WNK1: variants seen among roughly 807,000 people sequenced by gnomAD.
WNK1 encodes serine/threonine-protein kinase WNK1.
In WNK1, 38 loss-of-function variants were observed where a neutral mutation model predicts 222.8. The ratio of observed to expected loss-of-function variants is 0.17; its 90% confidence interval spans 0.13 to 0.22. The LOEUF (loss-of-function observed/expected upper bound fraction) is 0.22. Ranked by LOEUF, WNK1 falls within the 10% of genes least tolerant of loss-of-function variation. WNK1 has a pLI of 1.00. For synonymous variants in WNK1, 1,090 were observed against 1,092.9 expected (o/e 1.00, Z 0.05); for missense variants, 2,348 against 2,918.4 (o/e 0.80, Z 4.50).
chr12:759,794 AGT>A (rs1940763393), intron 1 of WNK1, among the ~76,000 whole-genome samples: 1 of 147,902 alleles, frequency 6.8e-6, no homozygotes, highest in Non-Finnish European at 1.5e-5. Context: ...ACCTTGAGCA[AGT>A]TTTGTGCTAC....
chr12:880,706 T>C lies in WNK1; in HGVS notation c.2833-15T>C, dbSNP rs766562347. The C allele has an allele frequency of 1.2e-6, 2 of 1,613,050 alleles. No individual in the cohort carries two copies. Among genetic ancestry groups the C allele is most frequent in the African/African-American group, 2.7e-5 (2 of 74,734 alleles). On this transcript the variant is annotated splice_polypyrimidine_tract_variant and intron_variant, in intron 11 of 27. Transcript: ENST00000315939. ...CCCAACCTGCTCTAACTCACCTTCCTCATTTCTGTCACAGGGCTTCCCACC... is the reference window on the plus strand; with the variant it reads ...CCCAACCTGCTCTAACTCACCTTCCCCATTTCTGTCACAGGGCTTCCCACC...
chr12:841,745 G>T lies in WNK1; in HGVS notation c.1311+11585G>T, dbSNP rs566530861. On this transcript the variant is annotated intron_variant, in intron 4 of 27. Coordinates refer to ENST00000315939, the MANE Select transcript of WNK1 (RefSeq NM_018979.4). ...CAGATTTGGTATCTAGTGAGGTTCT[G>T]TTCCTCATAGACCGGACTTTCTCGT... is the stretch of plus-strand genomic sequence containing the variant. Among the ~76,000 whole-genome samples, 11 of 152,314 alleles carry T rather than the reference G, an allele frequency of 7.2e-5. No homozygotes were observed. In the East Asian group the frequency reaches 2.1e-3, roughly 29 times the overall value.
At chr12:904,429 A>G (rs1592263691) in intron 26 of WNK1, 2 of 1,288,512 alleles carry the variant, frequency 1.6e-6, no homozygotes, top group East Asian at 5.6e-5. Context: ...TCTTTAACAC[A>G]TTGCTTCTCT....
rs774176953 is a variant in WNK1, at chr12:885,005, C to T, written c.4201C>T (p.Pro1401Ser). The change falls in exon 19 of 28, where the codon CCA (proline) becomes TCA (serine). Residue 1401 changes from proline to serine, a missense_variant. Around this residue, in one of 13 missense-constraint regions of WNK1, gnomAD observed 1,144 missense variants for 1,273.6 expected, o/e 0.90. Coordinates refer to ENST00000315939, the MANE Select transcript of WNK1 (RefSeq NM_018979.4). Reference protein sequence around the residue: ...GVVTSGGLPIPPVSESPVLSS... With the variant: ...GVVTSGGLPISPVSESPVLSS... ...GGTAACTTCAGGTGGTCTCCCCATACCACCTGTGTCTGAATCACCAGTACT... is the reference window on the plus strand; with the variant it reads ...GGTAACTTCAGGTGGTCTCCCCATATCACCTGTGTCTGAATCACCAGTACT... The T allele has an allele frequency of 8.7e-6, 14 of 1,614,200 alleles. No individual in the cohort carries two copies. The South Asian group carries it at 1.5e-4, about 18-fold the overall frequency.
chr12:765,919 T>C (rs1941638390), intron 1 of WNK1, among the ~76,000 whole-genome samples: 1 of 152,190 alleles, frequency 6.6e-6, no homozygotes, highest in South Asian at 2.1e-4. Context: ...AAAATAGTTA[T>C]TTTTTGGGAA....
intron 1 of WNK1, among the ~76,000 whole-genome samples, chr12:775,554 A>AT (rs2153957340): frequency 1.3e-5 from 2 of 152,280 alleles, no homozygotes; most frequent in East Asian, 3.9e-4. Flanking sequence ...TGCAAAAAAA[A>AT]ATTAACATAT....
chr12:867,352 T>C, intron 8 of WNK1, among the ~76,000 whole-genome samples: 1 of 152,210 alleles, frequency 6.6e-6, no homozygotes, highest in Non-Finnish European at 1.5e-5. Flanking sequence ...AGGCATACTA[T>C]TAATTGATAA....
chr12:875,524 G>C (rs1372536892), intron 9 of WNK1, among the ~76,000 whole-genome samples: 1 of 152,114 alleles, frequency 6.6e-6, no homozygotes, highest in Non-Finnish European at 1.5e-5. Flanking sequence ...TCAGCAATAT[G>C]ACTTCACTAT....
rs1395162926 is a variant in WNK1 at position 894,624 on chromosome 12, G to C, written c.5572G>C (p.Gly1858Arg). 2.5e-6 allele frequency: 4 copies of C among 1,613,908 alleles called. No individual in the cohort carries two copies. The South Asian group carries it at 4.4e-5, about 18-fold the overall frequency. The part of the protein sequence containing the change: ...TSSGAGVFKM[G>R]RFQVSVAADG... Reference sequence around the variant, plus strand: ...TTCAGGAGCTGGTGTTTTTAAGATGGGACGATTTCAGGTAAGACAGTCACT... The same window carrying C: ...TTCAGGAGCTGGTGTTTTTAAGATGCGACGATTTCAGGTAAGACAGTCACT... Residue 1858 changes from glycine (G) to arginine (R), a missense_variant, in exon 23 of 28, where the codon GGA becomes CGA. Physicochemically the swap from Gly to Arg is moderately radical, Grantham distance 125 (BLOSUM62 -2). Transcript: ENST00000315939.
At position 878,291 on chromosome 12, in the gene WNK1, C is replaced by T. The variant is rs757239881; in HGVS notation, c.2303C>T (p.Ala768Val). 6.8e-6 allele frequency: 11 copies of T among 1,614,042 alleles called. No homozygotes were observed. The highest frequency in any genetic ancestry group is 9.3e-6 in the Non-Finnish European group (11 of 1,179,920). ...TCACAGACATCAACCTCCAGTGAGG[C>T]CACTACTGCACAGCCAGTGAGTCAG... is the stretch of plus-strand genomic sequence containing the variant. Reference protein sequence around the residue: ...SLSQTSTSSEATTAQPVSQPQ... With the variant: ...SLSQTSTSSEVTTAQPVSQPQ... The change falls in exon 10 of 28, where the codon GCC (alanine) becomes GTC (valine). Residue 768 changes from alanine to valine, a missense_variant. By Grantham distance (64) the Ala-to-Val change is moderately conservative (BLOSUM62 0). Coordinates refer to ENST00000315939, the MANE Select transcript of WNK1 (RefSeq NM_018979.4).
At chr12:765,624 C>G (rs1022366692) in intron 1 of WNK1, among the ~76,000 whole-genome samples, 33 of 152,060 alleles carry the variant, frequency 2.2e-4, no homozygotes, top group African/African-American at 7.5e-4. Context: ...TCAAGTTGTG[C>G]TTTTAAAAAA....
At chr12:864,854 G>A (rs952335689) in intron 8 of WNK1, among the ~76,000 whole-genome samples, 1 of 151,994 alleles carries the variant, frequency 6.6e-6, no homozygotes, top group Non-Finnish European at 1.5e-5. Context: ...AGAATATTTA[G>A]CATGATAACT....
Position 758,373 on chromosome 12 carries a change from C to CTTTTTTTTTTTTTT in WNK1, c.759+4061_759+4074dup, listed in dbSNP as rs397957357. ...CATCATTTATTTCTTTGCTATAGTT[C>CTTTTTTTTTTTTTT]TTTTTTTTTTTTTTTTTTTTTTTTT... On this transcript the variant is annotated intron_variant, in intron 1 of 27. Transcript: ENST00000315939. Among the ~76,000 whole-genome samples, 6 of 64,728 alleles carry CTTTTTTTTTTTTTT rather than the reference C, an allele frequency of 9.3e-5. 1 individual carries two copies. The highest frequency in any genetic ancestry group is 5.0e-4 in the East Asian group (1 of 1,998). 42.5% of individuals were successfully genotyped at this position (64,728 alleles called of 152,430 possible).
intron 1 of WNK1, among the ~76,000 whole-genome samples, chr12:779,101 C>G (rs1366614930): frequency 6.6e-6 from 1 of 152,162 alleles, no homozygotes; most frequent in Non-Finnish European, 1.5e-5. Flanking sequence ...GGAGAGCATT[C>G]TCTTCTGTTA....
At chr12:850,414 T>G (rs953654057) in intron 4 of WNK1, among the ~76,000 whole-genome samples, 1 of 152,214 alleles carries the variant, frequency 6.6e-6, no homozygotes, top group South Asian at 2.1e-4. Context: ...TTGATGGGGT[T>G]GTTTGATTTT....
intron 1 of WNK1, among the ~76,000 whole-genome samples, chr12:771,643 C>G (rs1942513944): frequency 6.6e-6 from 1 of 151,948 alleles, no homozygotes; most frequent in Non-Finnish European, 1.5e-5. Context: ...CCATATTGGC[C>G]CGGTTGATCT....
intron 8 of WNK1, chr12:867,750 A>G (rs1951796707): frequency 1.0e-5 from 11 of 1,088,478 alleles, no homozygotes; most frequent in Admixed American, 2.2e-5. Flanking sequence ...TTATTTATTA[A>G]TTATAAATTT....
intron 2 of WNK1, among the ~76,000 whole-genome samples, chr12:818,331 C>T (rs143321060): frequency 8.8e-4 from 134 of 152,274 alleles, no homozygotes; most frequent in Non-Finnish European, 1.5e-3. Context: ...ATTAGACTTG[C>T]AGTAGAAGTT....
chr12:850,980 A>G (rs1950378391), intron 4 of WNK1, among the ~76,000 whole-genome samples: 1 of 152,168 alleles, frequency 6.6e-6, no homozygotes. Flanking sequence ...GCCTTGTAGT[A>G]ATACTGTTGA....
Sources: allele counts gnomAD v4.1 joint callset (sites outside exome capture counted in the v4.1 genomes callset), GRCh38; gene constraint gnomAD v4.1.1; regional missense constraint gnomAD v4.1.1; transcripts MANE v1.5; gene names NCBI Gene and HGNC (gene_info 2026-07-23, HGNC 2026-07-21).